EAF2: variants seen among roughly 807,000 people sequenced by gnomAD.
The protein encoded by EAF2 is ELL-associated factor 2.
In EAF2, 29 loss-of-function variants were observed where a neutral mutation model predicts 29.4. The observed-to-expected ratio is 0.99, with a 90% confidence interval of 0.73 to 1.35. The LOEUF (loss-of-function observed/expected upper bound fraction) is 1.35, where lower values mean the gene tolerates loss of function less well. EAF2 is among the 40% of genes most tolerant of loss of function. The probability of loss-of-function intolerance (pLI) is 0.00; values close to 1 mark genes in which losing one functional copy is unlikely to be tolerated. For synonymous variants in EAF2, 103 were observed against 102.5 expected (o/e 1.00, Z -0.03); for missense variants, 292 against 312.0 (o/e 0.94, Z 0.48).
chr3:121,859,194 C>A (rs913763239), intron 4 of EAF2, among the ~76,000 whole-genome samples: 4 of 152,074 alleles, frequency 2.6e-5, no homozygotes, highest in African/African-American at 9.7e-5. Flanking sequence ...AGTTTTTTTC[C>A]AATTCTCTGA....
intron 5 of EAF2, among the ~76,000 whole-genome samples, chr3:121,883,638 A>G (rs1467043465): frequency 6.6e-6 from 1 of 152,006 alleles, no homozygotes; most frequent in African/African-American, 2.4e-5. Flanking sequence ...GCATTCCTAA[A>G]CTCCCCTCCC....
chr3:121,843,866 G>A (rs745703861), intron 1 of EAF2, among the ~76,000 whole-genome samples: 12 of 152,072 alleles, frequency 7.9e-5, no homozygotes, highest in African/African-American at 1.4e-4. Flanking sequence ...TGTTAAACTA[G>A]AAAGATTACT....
At chr3:121,878,768 T>C (rs560453907) in intron 5 of EAF2, among the ~76,000 whole-genome samples, 6 of 152,320 alleles carry the variant, frequency 3.9e-5, no homozygotes, top group Non-Finnish European at 8.8e-5. Flanking sequence ...ATTCTATGTA[T>C]ATTAATTATT....
In EAF2 at chr3:121,835,241, A is replaced by G. The variant is rs1708229626; in HGVS notation, c.-45A>G. 1 of 1,581,154 alleles carries G rather than the reference A, an allele frequency of 6.3e-7. No individual in the cohort carries two copies. The highest frequency in any genetic ancestry group is 8.7e-7 in the Non-Finnish European group (1 of 1,150,118). On this transcript the variant is annotated 5_prime_UTR_variant, in exon 1 of 6. The change creates a new upstream start codon in the 5' untranslated region. Coordinates refer to ENST00000273668, the MANE Select transcript of EAF2 (RefSeq NM_018456.6). Reference sequence around the variant, plus strand: ...GCTGCTTCAGGCTGAGGTGGCAGATAGTGAGCGCTGGTGGCGGAGTTAAAG... The same window carrying G: ...GCTGCTTCAGGCTGAGGTGGCAGATGGTGAGCGCTGGTGGCGGAGTTAAAG...
chr3:121,880,382 G>A (rs1049021275), intron 5 of EAF2, among the ~76,000 whole-genome samples: 3 of 151,312 alleles, frequency 2.0e-5, no homozygotes, highest in Admixed American at 2.0e-4. Context: ...GCCCCAGGCA[G>A]TCCTCCTTCC....
intron 2 of EAF2, among the ~76,000 whole-genome samples, chr3:121,849,853 C>T (rs958177800): frequency 4.0e-5 from 6 of 150,926 alleles, no homozygotes; most frequent in African/African-American, 1.5e-4. Flanking sequence ...TGAAGTATAT[C>T]TTTAATTATT....
At chr3:121,880,455 G>GGGGTGTGTGTGTGTGTGT (rs1033336939) in intron 5 of EAF2, among the ~76,000 whole-genome samples, 1 of 142,962 alleles carries the variant, frequency 7.0e-6, no homozygotes, top group African/African-American at 2.7e-5. Context: ...AGTGTTTTGG[G>GGGGTGTGTGTGTGTGTGT]GTGTGTGTGT....
intron 5 of EAF2, among the ~76,000 whole-genome samples, chr3:121,883,359 C>T (rs914241949): frequency 6.6e-6 from 1 of 152,124 alleles, no homozygotes; most frequent in East Asian, 1.9e-4. Context: ...TGTGTTGCCC[C>T]AAACTATTTT....
At chr3:121,876,083 G>A (rs934833905) in intron 5 of EAF2, among the ~76,000 whole-genome samples, 1 of 151,722 alleles carries the variant, frequency 6.6e-6, no homozygotes, top group Admixed American at 6.6e-5. Context: ...AATAAGCAGG[G>A]TAAATAAAAA....
At chr3:121,882,831 G>A (rs1709214102) in intron 5 of EAF2, among the ~76,000 whole-genome samples, 1 of 150,014 alleles carries the variant, frequency 6.7e-6, no homozygotes, top group African/African-American at 2.4e-5. Flanking sequence ...TTTTCCTGAT[G>A]TATCTAAACT....
chr3:121,873,601 T>C (rs1709053228), intron 5 of EAF2, among the ~76,000 whole-genome samples: 2 of 151,856 alleles, frequency 1.3e-5, no homozygotes, highest in African/African-American at 4.8e-5. Flanking sequence ...TCTAATACAA[T>C]TTGTCATCTC....
chr3:121,881,066 G>A (rs1385437912), intron 5 of EAF2, among the ~76,000 whole-genome samples: 2 of 152,252 alleles, frequency 1.3e-5, no homozygotes, highest in East Asian at 1.9e-4. Flanking sequence ...TTACATCTCT[G>A]GGATAAATCC....
intron 5 of EAF2, among the ~76,000 whole-genome samples, chr3:121,875,830 T>C (rs1200500548): frequency 2.4e-5 from 2 of 82,440 alleles, no homozygotes; most frequent in Non-Finnish European, 5.4e-5. Context: ...TAAGAAAAAC[T>C]GTAGACTGGA....
chr3:121,864,916 T>C (rs1175261426), intron 4 of EAF2, among the ~76,000 whole-genome samples: 1 of 152,208 alleles, frequency 6.6e-6, no homozygotes, highest in East Asian at 1.9e-4. Context: ...TCTGATAGGT[T>C]ACAAAGAATC....
chr3:121,851,909 C>A (rs1053634750), intron 2 of EAF2, among the ~76,000 whole-genome samples: 2 of 152,034 alleles, frequency 1.3e-5, no homozygotes, highest in Non-Finnish European at 2.9e-5. Flanking sequence ...TTAGTAGTTG[C>A]CTTTCTTGGG....
At chr3:121,854,602 G>A in intron 2 of EAF2, 85 bp from the exon 3 acceptor site, 1 of 1,175,390 alleles carries the variant, frequency 8.5e-7, no homozygotes, top group South Asian at 2.0e-5. Flanking sequence ...CATAGAAGGA[G>A]AAACCCAGAA....
At chr3:121,862,413 A>G (rs1358842313) in intron 4 of EAF2, among the ~76,000 whole-genome samples, 1 of 152,010 alleles carries the variant, frequency 6.6e-6, no homozygotes, top group Admixed American at 6.6e-5. Context: ...ACTTCATTTC[A>G]TTCATTTGAT....
intron 1 of EAF2, among the ~76,000 whole-genome samples, chr3:121,838,409 C>T (rs560078024): frequency 1.1e-4 from 16 of 152,094 alleles, no homozygotes; most frequent in Non-Finnish European, 2.4e-4. Flanking sequence ...GATTAATCAG[C>T]AAATTCTTTA....
At chr3:121,837,494 A>T (rs925972207) in intron 1 of EAF2, 1 of 152,192 alleles carries the variant, frequency 6.6e-6, no homozygotes, top group East Asian at 1.9e-4. Flanking sequence ...CACCACCTAT[A>T]TATATAATGT....
Sources: allele counts gnomAD v4.1 joint callset (sites outside exome capture counted in the v4.1 genomes callset), GRCh38; gene constraint gnomAD v4.1.1; transcripts MANE v1.5; gene names NCBI Gene and HGNC (gene_info 2026-07-23, HGNC 2026-07-21).